Variants in CXCL5 observed in about 807,000 individuals in gnomAD.
CXCL5 encodes C-X-C motif chemokine 5.
A neutral mutation model predicts 12.1 loss-of-function variants in CXCL5; 13 were observed. The ratio of observed to expected loss-of-function variants is 1.08; its 90% CI spans 0.70 to 1.71. The LOEUF is 1.71. Ranked by LOEUF, CXCL5 falls within the 40% of genes most tolerant of loss-of-function variation. The pLI is 0.00. For missense variants in CXCL5, 159 were observed against 142.4 expected (o/e 1.12, Z -0.59); for synonymous variants, 67 against 59.0 (o/e 1.14, Z -0.62).
rs967660424 is a variant in CXCL5, at chr4:73,996,027, T to C, written c.*1610A>G. 2 of 152,434 alleles carry C rather than the reference T, an allele frequency of 1.3e-5. No homozygotes were observed. Among genetic ancestry groups the C allele is most frequent in the African/African-American group, 4.8e-5 (2 of 41,386 alleles). 9.4% of individuals were successfully genotyped at this position (152,434 alleles called of 1,614,324 possible). Reference sequence around the variant, plus strand: ...AAGCAAAAATAGAAATTCACAACCATTAATTACCTAGGTTTGTCATTTAAA... The same window carrying C: ...AAGCAAAAATAGAAATTCACAACCACTAATTACCTAGGTTTGTCATTTAAA... On this transcript the variant is annotated 3_prime_UTR_variant, in exon 4 of 4. Coordinates refer to ENST00000296027, the MANE Select transcript of CXCL5 (RefSeq NM_002994.5).
rs533492096 is a variant in CXCL5 at position 73,998,547 on chromosome 4, G to C, written c.35C>G (p.Pro12Arg). The C allele has an allele frequency of 3.1e-6, 5 of 1,594,100 alleles. No individual in the cohort carries two copies. The East Asian group carries it at 1.1e-4, about 36-fold the overall frequency. The change falls in exon 1 of 4, where the codon CCC (proline) becomes CGC (arginine). Residue 12 changes from proline (P) to arginine (R), a missense_variant. Pro to Arg is a moderately radical substitution (Grantham distance 103). Transcript: ENST00000296027. ...SLLSSRAARV[P>R]GPSSSLCALL... ...CGCGCACAAGGAGCTCGAAGGACCG[G>C]GGACACGGGCCGCGCGGCTGGACAG... is the stretch of plus-strand genomic sequence containing the variant.
chr4:73,997,608 A>G lies in CXCL5; in HGVS notation c.*29T>C. On this transcript the variant is annotated 3_prime_UTR_variant, in exon 4 of 4. Transcript: ENST00000296027. ...AAACTTCTCTGCTGAAGACTGGGAA[A>G]CTTTTCCATGCGTGCTCATTTCTCT... 6.3e-7 allele frequency: 1 copy of G among 1,596,712 alleles called. No homozygotes were observed. The highest frequency in any genetic ancestry group is 8.6e-7 in the Non-Finnish European group (1 of 1,168,428).
chr4:73,998,593 G>C lies in CXCL5; in HGVS notation c.-12C>G. 6.4e-7 allele frequency: 1 copy of C among 1,567,312 alleles called. No individual in the cohort carries two copies. The highest frequency in any genetic ancestry group is 1.9e-5 in the Admixed American group (1 of 52,868). ...GACAGGAGGCTCATAGTGGTCAAGA[G>C]AGCGCTGCGAGCGGTCGCGGGTTCC... On this transcript the variant is annotated 5_prime_UTR_variant, in exon 1 of 4. Transcript: ENST00000296027.
Position 73,998,560 on chromosome 4 carries a change from C to T in CXCL5, c.22G>A (p.Ala8Thr), listed in dbSNP as rs1312601522. 6.3e-7 allele frequency: 1 copy of T among 1,589,728 alleles called. No homozygotes were observed. Among genetic ancestry groups the T allele is most frequent in the Admixed American group, 1.8e-5 (1 of 56,122 alleles). ...CTCGAAGGACCGGGGACACGGGCCG[C>T]GCGGCTGGACAGGAGGCTCATAGTG... The part of the protein sequence containing the change: MSLLSSR[A>T]ARVPGPSSSL... The change falls in exon 1 of 4, where the codon GCG (alanine) becomes ACG (threonine). Residue 8 changes from alanine to threonine, a missense_variant. By Grantham distance (58) the Ala-to-Thr change is moderately conservative (BLOSUM62 0). Coordinates refer to ENST00000296027, the MANE Select transcript of CXCL5 (RefSeq NM_002994.5).
rs925144623 is a variant in CXCL5, at chr4:73,997,329, C to A, written c.*308G>T. The A allele has an allele frequency of 3.8e-5, 12 of 315,734 alleles. No individual in the cohort carries two copies. The East Asian group carries it at 6.2e-4, about 16-fold the overall frequency. 19.6% of individuals were successfully genotyped at this position (315,734 alleles called of 1,614,324 possible). A position where few individuals can be genotyped will look rare whatever the true frequency, so the allele number is the denominator to read the frequency against. On this transcript the variant is annotated 3_prime_UTR_variant, in exon 4 of 4. Coordinates refer to ENST00000296027, the MANE Select transcript of CXCL5 (RefSeq NM_002994.5). ...CAAGACACTTTGAAAGATTAACAGC[C>A]AGTGATTCCTGGCTCACACTATAGT...
chr4:73,995,735 G>A lies in CXCL5; in HGVS notation c.*1902C>T, dbSNP rs201857635. On this transcript the variant is annotated 3_prime_UTR_variant, in exon 4 of 4. Coordinates refer to ENST00000296027, the MANE Select transcript of CXCL5 (RefSeq NM_002994.5). ...AGTAAAAAAGTACAATTTTAATATA[G>A]TGAATGTAATATATATGTAATTACT... The A allele has an allele frequency of 1.3e-5, 2 of 151,282 alleles. No individual in the cohort carries two copies. The highest frequency in any genetic ancestry group is 4.9e-5 in the African/African-American group (2 of 41,208). 9.4% of individuals were successfully genotyped at this position (151,282 alleles called of 1,614,324 possible).
chr4:73,998,267 T>A lies in CXCL5; in HGVS notation c.181A>T (p.Lys61Ter), dbSNP rs1172499877. ...AACACTTGCAGATTACTGATCATTT[T>A]GGGATGAACTCCTTGCGTGGTCTGT... Reference protein sequence around the residue: ...CLQTTQGVHPKMISNLQVFAI... With the variant: ...CLQTTQGVHP Residue 61 changes from lysine to a stop codon, truncating the protein, a stop_gained, in exon 2 of 4, where the codon AAA (lysine) becomes TAA (stop). Transcript: ENST00000296027. LOFTEE classifies it high-confidence loss of function. The A allele has an allele frequency of 6.2e-7, 1 of 1,614,100 alleles. No homozygotes were observed. Among genetic ancestry groups the A allele is most frequent in the Admixed American group, 1.7e-5 (1 of 60,006 alleles).
rs952704453 is a variant in CXCL5 at position 73,995,968 on chromosome 4, T to C, written c.*1669A>G. On this transcript the variant is annotated 3_prime_UTR_variant, in exon 4 of 4. Coordinates refer to ENST00000296027, the MANE Select transcript of CXCL5 (RefSeq NM_002994.5). ...TTGCCATTTAAATATTATCACAGAA[T>C]CCTATTCTGAAAGACAAATGTTCAT... The C allele has an allele frequency of 2.6e-5, 4 of 152,140 alleles. No homozygotes were observed. The highest frequency in any genetic ancestry group is 7.3e-5 in the African/African-American group (3 of 41,316). 9.4% of individuals were successfully genotyped at this position (152,140 alleles called of 1,614,324 possible). A position where few individuals can be genotyped will look rare whatever the true frequency, so the allele number is the denominator to read the frequency against.
chr4:73,998,058 G>A lies in CXCL5; in HGVS notation c.280C>T (p.Pro94Ser). ...LKNGKEICLD[P>S]EAPFLKKVIQ... Reference sequence around the variant, plus strand: ...ACTTTCTTTAGAAAAGGGGCTTCTGGATCAAGACAAATTTCCTTCCCGTTC... The same window carrying A: ...ACTTTCTTTAGAAAAGGGGCTTCTGAATCAAGACAAATTTCCTTCCCGTTC... The change falls in exon 3 of 4, where the codon CCA becomes TCA. Residue 94 changes from proline to serine, a missense_variant. By Grantham distance (74) the Pro-to-Ser change is moderately conservative. Coordinates refer to ENST00000296027, the MANE Select transcript of CXCL5 (RefSeq NM_002994.5). 2 of 1,614,122 alleles carry A rather than the reference G, an allele frequency of 1.2e-6. No individual in the cohort carries two copies. The highest frequency in any genetic ancestry group is 1.7e-6 in the Non-Finnish European group (2 of 1,180,028).
At position 73,997,561 on chromosome 4, in the gene CXCL5, C is replaced by A; in HGVS notation, c.*76G>T. ...AACAAAATCTTTCCTTCTTGTCTTC[C>A]CTGGGTTCAGAGACCTCCAGAAAAC... On this transcript the variant is annotated 3_prime_UTR_variant, in exon 4 of 4. Coordinates refer to ENST00000296027, the MANE Select transcript of CXCL5 (RefSeq NM_002994.5). 9.3e-7 allele frequency: 1 copy of A among 1,080,676 alleles called. No individual in the cohort carries two copies. The highest frequency in any genetic ancestry group is 1.4e-6 in the Non-Finnish European group (1 of 722,834). The allele number at this position is 1,080,676 out of a possible 1,614,324, so 66.9% of individuals were successfully genotyped here.
In CXCL5 at chr4:73,998,532, G is replaced by T; in HGVS notation, c.50C>A (p.Ser17Tyr). 1 of 1,596,270 alleles carries T rather than the reference G, an allele frequency of 6.3e-7. No homozygotes were observed. The highest frequency in any genetic ancestry group is 2.3e-5 in the East Asian group (1 of 43,902). ...RAARVPGPSS[S>Y]LCALLVLLLL... ...CAGCAGCACCAACAGCGCGCACAAG[G>T]AGCTCGAAGGACCGGGGACACGGGC... Residue 17 changes from serine to tyrosine, a missense_variant, in exon 1 of 4, where the codon TCC (serine) becomes TAC (tyrosine). Transcript: ENST00000296027.
rs1367719793 is a variant in CXCL5 at position 73,996,053 on chromosome 4, G to A, written c.*1584C>T. On this transcript the variant is annotated 3_prime_UTR_variant, in exon 4 of 4. Coordinates refer to ENST00000296027, the MANE Select transcript of CXCL5 (RefSeq NM_002994.5). ...TAATTACCTAGGTTTGTCATTTAAA[G>A]GTTTAAAGAAAAAAAGGGAGGAGCT... 3 of 152,180 alleles carry A rather than the reference G, an allele frequency of 2.0e-5. No homozygotes were observed. Among genetic ancestry groups the A allele is most frequent in the South Asian group, 2.1e-4 (1 of 4,826 alleles). The allele number at this position is 152,180 out of a possible 1,614,324, so 9.4% of individuals were successfully genotyped here. A position where few individuals can be genotyped will look rare whatever the true frequency, so the allele number is the denominator to read the frequency against.
rs1719206159 is a variant in CXCL5 at position 73,996,905 on chromosome 4, G to A, written c.*732C>T. On this transcript the variant is annotated 3_prime_UTR_variant, in exon 4 of 4. Coordinates refer to ENST00000296027, the MANE Select transcript of CXCL5 (RefSeq NM_002994.5). ...CTCCTAATAAAATACTTAATAAATA[G>A]CATATAAAATCAAAGTTTAAAAGTA... The A allele has an allele frequency of 6.6e-6, 1 of 151,916 alleles. No individual in the cohort carries two copies. The highest frequency in any genetic ancestry group is 6.6e-5 in the Admixed American group (1 of 15,262). 9.4% of individuals were successfully genotyped at this position (151,916 alleles called of 1,614,324 possible).
chr4:73,997,988 C>G, intron 3 of CXCL5, 24 bp downstream of exon 3: 1 of 1,595,444 alleles, frequency 6.3e-7, no homozygotes, highest in Non-Finnish European at 8.6e-7. Flanking sequence ...ATTTAGAAAC[C>G]ACAAAGATCA....
In CXCL5 at chr4:73,997,615, C is replaced by T; in HGVS notation, c.*22G>A. ...TCTGCTGAAGACTGGGAAACTTTTC[C>T]ATGCGTGCTCATTTCTCTTAATCAG... On this transcript the variant is annotated 3_prime_UTR_variant, in exon 4 of 4. Coordinates refer to ENST00000296027, the MANE Select transcript of CXCL5 (RefSeq NM_002994.5). 2 of 1,602,274 alleles carry T rather than the reference C, an allele frequency of 1.2e-6. No homozygotes were observed. Among genetic ancestry groups the T allele is most frequent in the Non-Finnish European group, 1.7e-6 (2 of 1,172,574 alleles).
chr4:73,998,463 G>A lies in CXCL5; in HGVS notation c.109+10C>T, dbSNP rs1033479031. ...AGTGCGAGTGCGTCCCGCGCGCCATGCGCTCTCACCGCTGGCGATGGGCCC... is the reference window on the plus strand; with the variant it reads ...AGTGCGAGTGCGTCCCGCGCGCCATACGCTCTCACCGCTGGCGATGGGCCC... On this transcript the variant is annotated intron_variant, in intron 1 of 3. Coordinates refer to ENST00000296027, the MANE Select transcript of CXCL5 (RefSeq NM_002994.5). The A allele has an allele frequency of 1.9e-6, 3 of 1,606,256 alleles. No homozygotes were observed. The highest frequency in any genetic ancestry group is 2.6e-6 in the Non-Finnish European group (3 of 1,175,978).
rs566944583 is a variant in CXCL5, at chr4:73,996,064, A to T, written c.*1573T>A. 2.0e-5 allele frequency: 3 copies of T among 152,700 alleles called. No individual in the cohort carries two copies. The highest frequency in any genetic ancestry group is 2.0e-4 in the Admixed American group (3 of 15,296). The allele number at this position is 152,700 out of a possible 1,614,324, so 9.5% of individuals were successfully genotyped here. ...GTTTGTCATTTAAAGGTTTAAAGAAAAAAAGGGAGGAGCTTTCCTACAAGC... is the reference window on the plus strand; with the variant it reads ...GTTTGTCATTTAAAGGTTTAAAGAATAAAAGGGAGGAGCTTTCCTACAAGC... On this transcript the variant is annotated 3_prime_UTR_variant, in exon 4 of 4. Transcript: ENST00000296027.
chr4:73,998,657 T>C lies in CXCL5; in HGVS notation c.-76A>G, dbSNP rs544803176. On this transcript the variant is annotated 5_prime_UTR_variant, in exon 1 of 4. Transcript: ENST00000296027. The stretch of plus-strand genomic sequence containing the variant: ...GGAGCGGAGATTGGAGGAGCGAAGA[T>C]TGGAGGATCCGGAGCACTGTGGCTT... 1.5e-6 allele frequency: 2 copies of C among 1,312,688 alleles called. No homozygotes were observed. Among genetic ancestry groups the C allele is most frequent in the Admixed American group, 2.0e-5 (1 of 50,120 alleles). 81.3% of individuals were successfully genotyped at this position (1,312,688 alleles called of 1,614,324 possible). A position where few individuals can be genotyped will look rare whatever the true frequency, so the allele number is the denominator to read the frequency against.
Position 73,997,587 on chromosome 4 carries a change from T to A in CXCL5, c.*50A>T, listed in dbSNP as rs751136073. ...CTGGGTTCAGAGACCTCCAGAAAAC[T>A]TCTCTGCTGAAGACTGGGAAACTTT... On this transcript the variant is annotated 3_prime_UTR_variant, in exon 4 of 4. Transcript: ENST00000296027. The A allele has an allele frequency of 2.6e-6, 4 of 1,513,076 alleles. No homozygotes were observed. The highest frequency in any genetic ancestry group is 3.6e-6 in the Non-Finnish European group (4 of 1,102,042). The allele number at this position is 1,513,076 out of a possible 1,614,324, so 93.7% of individuals were successfully genotyped here.
Sources: gnomAD v4.1 joint callset for allele counts on GRCh38, gnomAD v4.1.1 for gene constraint, MANE v1.5 for transcripts, NCBI Gene and HGNC (gene_info 2026-07-23, HGNC 2026-07-21) for gene names.